Variants in SEC24C observed in about 807,000 individuals in gnomAD.
SEC24C encodes SEC24 homolog C, COPII component.
SEC24C carries 22 observed loss-of-function variants against 117.0 expected under a neutral mutation model. The ratio of observed to expected loss-of-function variants is 0.19; its 90% CI spans 0.13 to 0.27. The LOEUF is 0.27. Among genes scored for constraint, SEC24C ranks in the 10% least tolerant of loss-of-function variants. The pLI, the probability that SEC24C is intolerant of heterozygous loss-of-function variation, is 1.00. For missense variants in SEC24C, 1,155 were observed against 1,375.1 expected (o/e 0.84, Z 2.53); for synonymous variants, 506 against 529.4 (o/e 0.96, Z 0.61).
intron 1 of SEC24C, among the ~76,000 whole-genome samples, chr10:73,744,904 T>C (rs2082522618): frequency 6.6e-6 from 1 of 152,198 alleles, no homozygotes; most frequent in African/African-American, 2.4e-5. Flanking sequence ...AGGGGATTAT[T>C]TTCTGGAGAA....
In SEC24C at chr10:73,768,846, C is replaced by G; in HGVS notation, c.2218C>G (p.Arg740Gly). The change falls in exon 16 of 23, where the codon CGT becomes GGT. Residue 740 changes from arginine (R) to glycine (G), a missense_variant. Physicochemically the swap from Arg to Gly is moderately radical, Grantham distance 125. Transcript: ENST00000345254. ...NDQERFLSDL[R>G]RDVQKVVGFD... ...CCAGGAGCGGTTCCTGAGTGACCTG[C>G]GTCGTGATGTCCAGAAGGTTGTTGG... is the stretch of plus-strand genomic sequence containing the variant. 1 of 1,613,896 alleles carries G rather than the reference C, an allele frequency of 6.2e-7. No individual in the cohort carries two copies. The highest frequency in any genetic ancestry group is 8.5e-7 in the Non-Finnish European group (1 of 1,180,020).
chr10:73,759,689 C>A lies in SEC24C; in HGVS notation c.376C>A (p.Pro126Thr). ...GGGCAACCAGCCACCTGTGCTTCAG[C>A]CCTATGGCCCTCCCCCGACAAGTGC... ...PVGNQPPVLQ[P>T]YGPPPTSAQV... The change falls in exon 4 of 23, where the codon CCC becomes ACC. Residue 126 changes from proline to threonine, a missense_variant. This residue lies in a region of SEC24C where 396 missense variants were observed against 382.8 expected (regional missense o/e 1.03). Coordinates refer to ENST00000345254, the MANE Select transcript of SEC24C (RefSeq NM_198597.3). The A allele has an allele frequency of 6.2e-7, 1 of 1,605,898 alleles. No homozygotes were observed.
intron 2 of SEC24C, among the ~76,000 whole-genome samples, chr10:73,748,296 C>T (rs895184635): frequency 3.3e-5 from 5 of 151,534 alleles, no homozygotes; most frequent in South Asian, 4.2e-4. Context: ...CCACCATGCC[C>T]GGCATTTTTT....
chr10:73,769,956 G>A lies in SEC24C; in HGVS notation c.2803G>A (p.Val935Ile). The A allele has an allele frequency of 6.2e-7, 1 of 1,614,182 alleles. No homozygotes were observed. The highest frequency in any genetic ancestry group is 8.5e-7 in the Non-Finnish European group (1 of 1,180,026). The change falls in exon 20 of 23, where the codon GTT becomes ATT. Residue 935 changes from valine (V) to isoleucine (I), a missense_variant. Physicochemically the swap from Val to Ile is conservative, Grantham distance 29 (BLOSUM62 3). Around this residue, in one of 2 missense-constraint regions of SEC24C, gnomAD observed 759 missense variants for 992.3 expected, o/e 0.76. Coordinates refer to ENST00000345254, the MANE Select transcript of SEC24C (RefSeq NM_198597.3). The surrounding 1 kb of genome is among the most constrained non-coding windows in gnomAD (Gnocchi z 4.5). ...TDDRAYVRQL[V>I]TSMDVTETNV... is the part of the protein sequence containing the mutation. ...TGACCGTGCCTATGTCCGACAGCTAGTTACCTCCATGGATGTGACTGAGAC... is the reference window on the plus strand; with the variant it reads ...TGACCGTGCCTATGTCCGACAGCTAATTACCTCCATGGATGTGACTGAGAC...
At chr10:73,749,060 A>G (rs1469329570) in intron 2 of SEC24C, among the ~76,000 whole-genome samples, 1 of 152,042 alleles carries the variant, frequency 6.6e-6, no homozygotes, top group African/African-American at 2.4e-5. Flanking sequence ...CTGTTTTTAG[A>G]TAAGGTACTG....
rs778176043 is a variant in SEC24C, at chr10:73,765,800, T to C, written c.1367T>C (p.Val456Ala). Residue 456 changes from valine (V) to alanine (A), a missense_variant and splice_region_variant, in exon 10 of 23, where the codon GTT becomes GCT. Physicochemically the swap from Val to Ala is moderately conservative, Grantham distance 64. This residue lies in a region of SEC24C where 759 missense variants were observed against 992.3 expected (regional missense o/e 0.76). Transcript: ENST00000345254. ...TAACACACTGCCATGCTTCCCACAG[T>C]TCCCCCCCAGTATTTTCAGCACCTG... ...QCCFCSCINDVPPQYFQHLDH... is the reference protein window; with the variant it reads ...QCCFCSCINDAPPQYFQHLDH... The C allele has an allele frequency of 1.6e-5, 25 of 1,612,892 alleles. No individual in the cohort carries two copies. The highest frequency in any genetic ancestry group is 4.5e-5 in the East Asian group (2 of 44,886).
chr10:73,760,424 C>T (rs1297486370), intron 5 of SEC24C, 38 bp downstream of exon 5: 1 of 1,524,530 alleles, frequency 6.6e-7, no homozygotes, highest in African/African-American at 1.4e-5. Context: ...AAGCTAGAGG[C>T]TTCAGCTACT....
intron 2 of SEC24C, among the ~76,000 whole-genome samples, chr10:73,750,708 T>A (rs901878325): frequency 6.6e-6 from 1 of 152,248 alleles, no homozygotes; most frequent in Non-Finnish European, 1.5e-5. Context: ...TACTTGGTCA[T>A]CTTCTGAGTC....
chr10:73,751,387 C>G (rs2082640373), intron 3 of SEC24C, 144 bp downstream of exon 3: 2 of 710,684 alleles, frequency 2.8e-6, no homozygotes, highest in South Asian at 4.9e-5. Context: ...ATGGCAAAAC[C>G]CCATCTCTTT....
chr10:73,759,859 T>A lies in SEC24C; in HGVS notation c.481+65T>A, dbSNP rs930747328. 9 of 1,488,438 alleles carry A rather than the reference T, an allele frequency of 6.0e-6. No homozygotes were observed. The Admixed American group carries it at 1.6e-4, about 27-fold the overall frequency. The allele number at this position is 1,488,438 out of a possible 1,614,324, so 92.2% of individuals were successfully genotyped here. A position where few individuals can be genotyped will look rare whatever the true frequency, so the allele number is the denominator to read the frequency against. ...TCAGAGGCATCAGACTCTGGGGTTA[T>A]ACCTGAATCTCTTTTATTTCCCTTG... On this transcript the variant is annotated intron_variant, in intron 4 of 22. Coordinates refer to ENST00000345254, the MANE Select transcript of SEC24C (RefSeq NM_198597.3).
chr10:73,770,554 G>A (rs752274175), intron 21 of SEC24C, 83 bp downstream of exon 21: 10 of 1,538,704 alleles, frequency 6.5e-6, no homozygotes, highest in Non-Finnish European at 9.0e-6. Flanking sequence ...TAGTGTGCTA[G>A]TACCCTCAAA....
chr10:73,747,696 G>A, intron 2 of SEC24C, among the ~76,000 whole-genome samples: 1 of 105,898 alleles, frequency 9.4e-6, no homozygotes, highest in East Asian at 2.8e-4. Flanking sequence ...TTTTACTCTT[G>A]TTGCCCAGGC....
intron 14 of SEC24C, 38 bp downstream of exon 14, chr10:73,767,208 C>A (rs1335764680): frequency 1.5e-6 from 2 of 1,367,172 alleles, no homozygotes; most frequent in South Asian, 1.2e-5. Flanking sequence ...AAGGATTTTT[C>A]ATTACAGAGG....
In SEC24C at chr10:73,771,646, C is replaced by T. The variant is rs1017952254; in HGVS notation, c.*551C>T. 1 of 156,676 alleles carries T rather than the reference C, an allele frequency of 6.4e-6. No individual in the cohort carries two copies. Among genetic ancestry groups the T allele is most frequent in the African/African-American group, 2.4e-5 (1 of 41,432 alleles). 9.7% of individuals were successfully genotyped at this position (156,676 alleles called of 1,614,324 possible). ...TCTCTGCTTTCACTGCTCGCTCGCT[C>T]TCTCCTGCAATGATTGATGATCACT... is the stretch of plus-strand genomic sequence containing the variant. On this transcript the variant is annotated 3_prime_UTR_variant, in exon 23 of 23. Coordinates refer to ENST00000345254, the MANE Select transcript of SEC24C (RefSeq NM_198597.3).
intron 2 of SEC24C, among the ~76,000 whole-genome samples, chr10:73,748,075 T>C (rs945452256): frequency 2.6e-5 from 4 of 152,004 alleles, no homozygotes; most frequent in African/African-American, 9.7e-5. Flanking sequence ...GATTACAGGC[T>C]TCAGCCACCA....
chr10:73,759,148 A>T (rs1315460738), intron 3 of SEC24C, among the ~76,000 whole-genome samples: 1 of 152,012 alleles, frequency 6.6e-6, no homozygotes, highest in Non-Finnish European at 1.5e-5. Flanking sequence ...ATGAGCTGTG[A>T]TCACACCACT....
In SEC24C at chr10:73,753,534, G is replaced by A. The variant is rs566905839; in HGVS notation, c.308+2291G>A. On this transcript the variant is annotated intron_variant, in intron 3 of 22. Coordinates refer to ENST00000345254, the MANE Select transcript of SEC24C (RefSeq NM_198597.3). ...AAAAATAAAATGTTAGCTGGGCATGGTGGCAAGCTTGTTGTCCTAGCTACT... is the reference window on the plus strand; with the variant it reads ...AAAAATAAAATGTTAGCTGGGCATGATGGCAAGCTTGTTGTCCTAGCTACT... 1.2e-4 allele frequency among the ~76,000 whole-genome samples: 19 copies of A among 152,262 alleles called. No individual in the cohort carries two copies. The South Asian group carries it at 3.9e-3, about 32-fold the overall frequency.
intron 14 of SEC24C, among the ~76,000 whole-genome samples, 186 bp from the exon 15 acceptor site, chr10:73,767,651 G>C (rs1359943254): frequency 2.6e-5 from 4 of 152,150 alleles, no homozygotes; most frequent in Non-Finnish European, 4.4e-5. Context: ...CTGGGTGACA[G>C]AGTGAGACCC....
chr10:73,761,952 A>C, intron 6 of SEC24C: 2 of 431,112 alleles, frequency 4.6e-6, no homozygotes, highest in Middle Eastern at 7.0e-4. Context: ...TTTCATATCT[A>C]GAGGGGGCTT....
Sources: allele counts gnomAD v4.1 joint callset (sites outside exome capture counted in the v4.1 genomes callset), GRCh38; gene constraint gnomAD v4.1.1; regional missense constraint gnomAD v4.1.1; non-coding constraint Gnocchi (gnomAD v3.1); transcripts MANE v1.5; gene names NCBI Gene and HGNC (gene_info 2026-07-23, HGNC 2026-07-21).